Variants in RABGAP1L observed in about 807,000 individuals in gnomAD.
The protein encoded by RABGAP1L is rab GTPase-activating protein 1-like.
Under a neutral mutation model 137.7 loss-of-function variants are expected in RABGAP1L, and 63 were observed. The observed-to-expected ratio is 0.46, with a 90% CI of 0.37 to 0.56. The LOEUF (loss-of-function observed/expected upper bound fraction) is 0.56, where lower values mean the gene tolerates loss of function less well. RABGAP1L is among the 20% of genes least tolerant of loss of function. The probability of loss-of-function intolerance (pLI) is 0.00; values close to 1 mark genes in which losing one functional copy is unlikely to be tolerated. For missense variants in RABGAP1L, 1,095 were observed against 1,244.0 expected (o/e 0.88, Z 1.80); for synonymous variants, 431 against 433.7 (o/e 0.99, Z 0.08).
At chr1:174,946,590 C>T (rs1368823020) in intron 19 of RABGAP1L, among the ~76,000 whole-genome samples, 1 of 151,894 alleles carries the variant, frequency 6.6e-6, no homozygotes, top group Non-Finnish European at 1.5e-5. Flanking sequence ...CTTTGTGAGG[C>T]TTAAGAAATA....
chr1:174,172,022 TA>T (rs982891738), intron 1 of RABGAP1L, among the ~76,000 whole-genome samples: 3 of 151,468 alleles, frequency 2.0e-5, no homozygotes, highest in Admixed American at 1.3e-4. Context: ...AAATAAAAAG[TA>T]AAAAAAAGGA....
At chr1:174,833,713 A>G (rs1003218795) in intron 19 of RABGAP1L, among the ~76,000 whole-genome samples, 3 of 151,732 alleles carry the variant, frequency 2.0e-5, no homozygotes, top group Admixed American at 2.0e-4. Context: ...TTCAGTTATG[A>G]TCATAACAGA....
chr1:174,932,265 T>A (rs573500472), intron 19 of RABGAP1L, among the ~76,000 whole-genome samples: 16 of 151,648 alleles, frequency 1.1e-4, no homozygotes, highest in East Asian at 1.9e-4. Context: ...TTTTTTTTTT[T>A]AAAAGAAGAA....
chr1:174,190,945 G>A (rs1406588425), intron 1 of RABGAP1L, among the ~76,000 whole-genome samples: 1 of 152,156 alleles, frequency 6.6e-6, no homozygotes, highest in East Asian at 1.9e-4. Flanking sequence ...CCAAGGAGAG[G>A]GAAAGAGATG....
intron 13 of RABGAP1L, among the ~76,000 whole-genome samples, chr1:174,520,619 T>C (rs1663280134): frequency 6.6e-6 from 1 of 152,222 alleles, no homozygotes; most frequent in Admixed American, 6.5e-5. Context: ...AGAATATCAA[T>C]TAGTATGTTG....
chr1:174,877,625 C>T, intron 19 of RABGAP1L: 2 of 1,603,740 alleles, frequency 1.2e-6, no homozygotes, highest in Non-Finnish European at 1.7e-6. Flanking sequence ...GCCTTGCACA[C>T]TACTCTGGTT....
intron 19 of RABGAP1L, among the ~76,000 whole-genome samples, chr1:174,870,740 CTTTT>C (rs796488016): frequency 7.1e-6 from 1 of 141,630 alleles, no homozygotes. Flanking sequence ...ATTATAACTT[CTTTT>C]TTTTTTTTTT....
intron 24 of RABGAP1L, among the ~76,000 whole-genome samples, chr1:174,986,312 T>A (rs1423335914): frequency 6.6e-6 from 1 of 152,136 alleles, no homozygotes; most frequent in Non-Finnish European, 1.5e-5. Context: ...AGAATTTTAG[T>A]CCAAAAGGAG....
At chr1:174,816,317 T>A (rs1030716315) in intron 19 of RABGAP1L, among the ~76,000 whole-genome samples, 2 of 151,914 alleles carry the variant, frequency 1.3e-5, no homozygotes, top group African/African-American at 4.8e-5. Flanking sequence ...CACGCCCAGA[T>A]AATGTTCTAT....
chr1:174,182,739 CTT>C (rs1666477443), intron 1 of RABGAP1L, among the ~76,000 whole-genome samples: 1 of 149,892 alleles, frequency 6.7e-6, no homozygotes, highest in South Asian at 2.1e-4. Context: ...GCATTTAAGA[CTT>C]TTACTTCCCC....
chr1:174,365,778 A>G (rs1370361646), intron 11 of RABGAP1L, among the ~76,000 whole-genome samples: 1 of 152,208 alleles, frequency 6.6e-6, no homozygotes, highest in East Asian at 1.9e-4. Context: ...TCTTTTGGTA[A>G]TACAAAGTTA....
intron 19 of RABGAP1L, among the ~76,000 whole-genome samples, chr1:174,855,794 C>A (rs915052337): frequency 2.0e-5 from 3 of 152,106 alleles, no homozygotes; most frequent in African/African-American, 7.2e-5. Flanking sequence ...GGGATTAACT[C>A]ACTTATTTTT....
intron 5 of RABGAP1L, among the ~76,000 whole-genome samples, chr1:174,242,181 A>G (rs1362780504): frequency 2.6e-5 from 4 of 152,256 alleles, no homozygotes; most frequent in Admixed American, 2.6e-4. Context: ...ATAAAATTAC[A>G]AATGCTCACT....
intron 13 of RABGAP1L, among the ~76,000 whole-genome samples, chr1:174,483,723 A>C (rs1043515493): frequency 2.6e-5 from 4 of 151,942 alleles, no homozygotes; most frequent in African/African-American, 9.7e-5. Flanking sequence ...GCTAGTCAGG[A>C]GACTGAGGCA....
intron 13 of RABGAP1L, among the ~76,000 whole-genome samples, chr1:174,507,050 TA>T (rs1352562329): frequency 6.6e-6 from 1 of 152,140 alleles, no homozygotes; most frequent in Non-Finnish European, 1.5e-5. Context: ...GGCGGAAACT[TA>T]CCTTATACAC....
chr1:174,626,826 A>G (rs1672972181), intron 13 of RABGAP1L, among the ~76,000 whole-genome samples: 1 of 152,184 alleles, frequency 6.6e-6, no homozygotes, highest in African/African-American at 2.4e-5. Context: ...AAGGTGAATA[A>G]ATCAGACCGA....
chr1:174,444,144 C>T (rs1263983435), intron 13 of RABGAP1L, among the ~76,000 whole-genome samples: 1 of 150,782 alleles, frequency 6.6e-6, no homozygotes, highest in East Asian at 1.9e-4. Flanking sequence ...CTTAGGATTG[C>T]CTTAGCTATT....
At chr1:174,241,880 C>A (rs375590875) in intron 5 of RABGAP1L, among the ~76,000 whole-genome samples, 2 of 152,284 alleles carry the variant, frequency 1.3e-5, no homozygotes, top group African/African-American at 4.8e-5. Flanking sequence ...TAGAAAAATA[C>A]AACTGGATGA....
At chr1:174,787,098 G>A (rs1448286229) in intron 18 of RABGAP1L, among the ~76,000 whole-genome samples, 2 of 152,062 alleles carry the variant, frequency 1.3e-5, no homozygotes, top group Non-Finnish European at 2.9e-5. Flanking sequence ...GTAATGACAG[G>A]GATGACTTGA....
Sources: gnomAD v4.1 joint callset for allele counts (sites outside exome capture counted in the v4.1 genomes callset) on GRCh38, gnomAD v4.1.1 for gene constraint, MANE v1.5 for transcripts, NCBI Gene and HGNC (gene_info 2026-07-23, HGNC 2026-07-21) for gene names.